POC1A: variants seen among roughly 807,000 people sequenced by gnomAD.
POC1A encodes the protein POC1 centriolar protein homolog A.
Under a neutral mutation model 47.8 loss-of-function variants are expected in POC1A, and 34 were observed. The ratio of observed to expected loss-of-function variants is 0.71; its 90% CI spans 0.54 to 0.95. POC1A has a LOEUF of 0.95. POC1A is among the 40% of genes least tolerant of loss of function. The pLI, the probability that POC1A is intolerant of heterozygous loss-of-function variation, is 0.00. For missense variants in POC1A, 466 were observed against 528.3 expected (o/e 0.88, Z 1.16); for synonymous variants, 177 against 207.6 (o/e 0.85, Z 1.27).
chr3:52,135,243 C>T (rs1559843667), intron 7 of POC1A, among the ~76,000 whole-genome samples: 1 of 152,238 alleles, frequency 6.6e-6, no homozygotes, highest in South Asian at 2.1e-4. Context: ...AAAGCCACCT[C>T]TGATCCTAGC....
At chr3:52,124,830 G>A (rs1029614320) in intron 8 of POC1A, among the ~76,000 whole-genome samples, 2 of 152,042 alleles carry the variant, frequency 1.3e-5, no homozygotes, top group Non-Finnish European at 2.9e-5. Context: ...AACTTTTCAC[G>A]ACAACCATAG....
Position 52,087,472 on chromosome 3 carries a change from C to G in POC1A, c.1125+9097G>C, listed in dbSNP as rs117359681. ...GAAAATGAGCTTTTGGTCCCTTGAG[C>G]CTATGGTCCGCGGTTGTTTCACATT... On this transcript the variant is annotated intron_variant, in intron 10 of 10. Transcript: ENST00000296484. Among the ~76,000 whole-genome samples, 307 of 152,296 alleles carry G rather than the reference C, an allele frequency of 2.0e-3. 2 individuals are homozygous for G. The East Asian group carries it at 0.053, about 26-fold the overall frequency.
chr3:52,149,411 A>G (rs766279211), intron 3 of POC1A, 22 bp from the exon 4 acceptor site: 12 of 1,611,146 alleles, frequency 7.4e-6, no homozygotes, highest in Non-Finnish European at 9.3e-6. Flanking sequence ...GGCATCCAAG[A>G]GTAAGGAAAC....
At chr3:52,111,724 T>C (rs1184992233) in intron 9 of POC1A, among the ~76,000 whole-genome samples, 2 of 146,742 alleles carry the variant, frequency 1.4e-5, no homozygotes, top group Admixed American at 6.8e-5. Context: ...TGTTAAGCCA[T>C]ATACACCCAA....
intron 9 of POC1A, among the ~76,000 whole-genome samples, chr3:52,116,712 T>C (rs954330932): frequency 2.0e-5 from 3 of 152,166 alleles, no homozygotes; most frequent in Non-Finnish European, 4.4e-5. Context: ...ATCTCCTGGA[T>C]TGGCTTTCAG....
intron 10 of POC1A, among the ~76,000 whole-genome samples, chr3:52,094,481 C>G (rs190614284): frequency 2.0e-5 from 3 of 152,382 alleles, no homozygotes; most frequent in African/African-American, 7.2e-5. Flanking sequence ...GTGGCTGGAA[C>G]ATCTCAGCTA....
chr3:52,120,460 G>A (rs1703737542), intron 9 of POC1A, among the ~76,000 whole-genome samples: 1 of 152,192 alleles, frequency 6.6e-6, no homozygotes, highest in Non-Finnish European at 1.5e-5. Context: ...GGTCTGATCT[G>A]AACCAAGAAT....
intron 6 of POC1A, among the ~76,000 whole-genome samples, chr3:52,140,437 C>T (rs951139960): frequency 2.4e-4 from 37 of 152,294 alleles, no homozygotes; most frequent in African/African-American, 8.4e-4. Flanking sequence ...AGAGGAACAG[C>T]CGGTGGCAGG....
chr3:52,138,116 C>G, intron 7 of POC1A, 53 bp downstream of exon 7: 1 of 1,599,302 alleles, frequency 6.3e-7, no homozygotes, highest in Non-Finnish European at 8.6e-7. Flanking sequence ...ACTGCCCAGA[C>G]AGTGAAGGTA....
At chr3:52,129,838 C>T (rs1704142848) in intron 7 of POC1A, among the ~76,000 whole-genome samples, 1 of 152,252 alleles carries the variant, frequency 6.6e-6, no homozygotes, top group Non-Finnish European at 1.5e-5. Flanking sequence ...AGTCATTTTA[C>T]CACACATCAT....
intron 10 of POC1A, among the ~76,000 whole-genome samples, chr3:52,083,207 C>T (rs1473175293): frequency 1.3e-5 from 2 of 152,124 alleles, no homozygotes; most frequent in South Asian, 2.1e-4. Context: ...GAGGCATGGG[C>T]GGTGTGACAC....
intron 10 of POC1A, among the ~76,000 whole-genome samples, chr3:52,089,384 C>T (rs143778447): frequency 1.9e-3 from 297 of 152,314 alleles, no homozygotes; most frequent in African/African-American, 6.3e-3. Flanking sequence ...TCTTGAGTCC[C>T]CTGTCCCCCA....
chr3:52,088,397 G>C (rs999402484), intron 10 of POC1A, among the ~76,000 whole-genome samples: 1 of 152,228 alleles, frequency 6.6e-6, no homozygotes, highest in African/African-American at 2.4e-5. Flanking sequence ...CTAAGTTCAA[G>C]GCTTCCTGTG....
At position 52,137,408 on chromosome 3, in the gene POC1A, G is replaced by C. The variant is rs972901171; in HGVS notation, c.813+761C>G. On this transcript the variant is annotated intron_variant, in intron 7 of 10. Coordinates refer to ENST00000296484, the MANE Select transcript of POC1A (RefSeq NM_015426.5). ...CTCCCTCAGCATGGCAGGCAGATTA[G>C]AGACAGACTTGAATTCAATGGACTC... is the stretch of plus-strand genomic sequence containing the variant. Among the ~76,000 whole-genome samples, 4 of 152,286 alleles carry C rather than the reference G, an allele frequency of 2.6e-5. 1 individual carries two copies. In the South Asian group the frequency reaches 6.2e-4, roughly 24 times the overall value.
intron 6 of POC1A, among the ~76,000 whole-genome samples, chr3:52,141,064 C>T (rs1462206084): frequency 6.6e-6 from 1 of 152,234 alleles, no homozygotes; most frequent in Non-Finnish European, 1.5e-5. Context: ...CCCATCTCCA[C>T]TCCAAAGAGA....
At chr3:52,112,328 A>G (rs1331660651) in intron 9 of POC1A, among the ~76,000 whole-genome samples, 3 of 152,122 alleles carry the variant, frequency 2.0e-5, no homozygotes, top group Non-Finnish European at 4.4e-5. Context: ...GGCTTTCTTT[A>G]AACAGTACAC....
chr3:52,137,284 C>G (rs77462800), intron 7 of POC1A, among the ~76,000 whole-genome samples: 1 of 152,302 alleles, frequency 6.6e-6, no homozygotes, highest in East Asian at 1.9e-4. Context: ...GGTACCCTAA[C>G]TCAGATGGCA....
At chr3:52,111,919 T>A (rs953592788) in intron 9 of POC1A, among the ~76,000 whole-genome samples, 1 of 152,032 alleles carries the variant, frequency 6.6e-6, no homozygotes, top group Non-Finnish European at 1.5e-5. Context: ...AGAACACAGA[T>A]TCAAGAATAG....
At chr3:52,095,903 CTG>C (rs1702797894) in intron 10 of POC1A, among the ~76,000 whole-genome samples, 1 of 152,258 alleles carries the variant, frequency 6.6e-6, no homozygotes, top group African/African-American at 2.4e-5. Flanking sequence ...CACTACGAGC[CTG>C]TGTTATGGCT....
Sources: allele counts gnomAD v4.1 joint callset (sites outside exome capture counted in the v4.1 genomes callset), GRCh38; gene constraint gnomAD v4.1.1; transcripts MANE v1.5; gene names NCBI Gene and HGNC (gene_info 2026-07-23, HGNC 2026-07-21).